The following LMNB2 variants were observed in gnomAD, a reference collection of about 807,000 sequenced individuals.
LMNB2 encodes lamin B2, also known as lamin-B2.
In LMNB2, 17 loss-of-function variants were observed where a neutral mutation model predicts 69.3. That is an observed-to-expected ratio of 0.25 (90% CI 0.17 to 0.37). The LOEUF (loss-of-function observed/expected upper bound fraction) is 0.37. Among genes scored for constraint, LMNB2 ranks in the 10% least tolerant of loss-of-function variants. The probability of loss-of-function intolerance (pLI) is 1.00; values close to 1 mark genes in which losing one functional copy is unlikely to be tolerated. For missense variants in LMNB2, 789 were observed against 883.6 expected, an observed-to-expected ratio of 0.89 and a Z score of 1.36; for synonymous variants, 397 against 389.3, an observed-to-expected ratio of 1.02 and a Z score of -0.23.
intron 2 of LMNB2, among the ~76,000 whole-genome samples, chr19:2,439,930 T>TC (rs1478251094): frequency 6.6e-6 from 1 of 151,934 alleles, no homozygotes; most frequent in African/African-American, 2.4e-5. Flanking sequence ...ATGGGGTTTC[T>TC]CCATGTTGGC....
In LMNB2 at chr19:2,431,473, A is replaced by AT. The variant is rs1971738612; in HGVS notation, c.1821+74dup. On this transcript the variant is annotated intron_variant, in intron 11 of 11. Coordinates refer to ENST00000325327, the MANE Select transcript of LMNB2 (RefSeq NM_032737.4). ...CCCGTCGGGGATGCGGCCAGCACGC[A>AT]TGTGTATGTGTGTGCACGAGCTCAC... The AT allele has an allele frequency of 1.9e-6, 3 of 1,599,232 alleles. No homozygotes were observed. The South Asian group carries it at 3.3e-5, about 18-fold the overall frequency.
rs1416704288 is a variant in LMNB2 at position 2,429,898 on chromosome 19, G to A, written c.*1013C>T. The A allele has an allele frequency of 6.6e-6, 1 of 152,328 alleles. No homozygotes were observed. Among genetic ancestry groups the A allele is most frequent in the African/African-American group, 2.4e-5 (1 of 41,462 alleles). The allele number at this position is 152,328 out of a possible 1,614,324, so 9.4% of individuals were successfully genotyped here. A position where few individuals can be genotyped will look rare whatever the true frequency, so the allele number is the denominator to read the frequency against. ...GGACTGAGGGGCTTGGGTGCGTCGT[G>A]ATAGGAGTCAGGTGGCCTTGGCCTG... On this transcript the variant is annotated 3_prime_UTR_variant, in exon 12 of 12. Transcript: ENST00000325327.
chr19:2,446,177 A>C (rs1400030289), intron 1 of LMNB2, among the ~76,000 whole-genome samples: 3 of 111,042 alleles, frequency 2.7e-5, no homozygotes, highest in African/African-American at 1.1e-4. Context: ...CCCCTCGATC[A>C]CAGGGATCTG....
In LMNB2 at chr19:2,452,291, G is replaced by A. The variant is rs188007287; in HGVS notation, c.264+4379C>T. Among the ~76,000 whole-genome samples, 9 of 152,272 alleles carry A rather than the reference G, an allele frequency of 5.9e-5. No homozygotes were observed. The East Asian group carries it at 9.7e-4, about 16-fold the overall frequency. Reference sequence around the variant, plus strand: ...CAGGAAAGAAGTGAGCAAGTTAGCCGGGCATGGTGGTGGGCGCCTGTAATC... The same window carrying A: ...CAGGAAAGAAGTGAGCAAGTTAGCCAGGCATGGTGGTGGGCGCCTGTAATC... On this transcript the variant is annotated intron_variant, in intron 1 of 11. Coordinates refer to ENST00000325327, the MANE Select transcript of LMNB2 (RefSeq NM_032737.4).
rs1348390230 is a variant in LMNB2 at position 2,438,228 on chromosome 19, C to A, written c.619G>T (p.Asp207Tyr). Residue 207 changes from aspartate to tyrosine, a missense_variant, in exon 4 of 12, where the codon GAC becomes TAC. Transcript: ENST00000325327. ...AGGCTCTGGCAGCGGTTCTCCAGGTCCACACGCATCAGCGTCTCCTTCTCC... is the reference window on the plus strand; with the variant it reads ...AGGCTCTGGCAGCGGTTCTCCAGGTACACACGCATCAGCGTCTCCTTCTCC... ...QLEKETLMRVDLENRCQSLQE... is the reference protein window; with the variant it reads ...QLEKETLMRVYLENRCQSLQE... 1 of 1,614,106 alleles carries A rather than the reference C, an allele frequency of 6.2e-7. No individual in the cohort carries two copies. Among genetic ancestry groups the A allele is most frequent in the South Asian group, 1.1e-5 (1 of 91,088 alleles).
chr19:2,450,364 G>T (rs1972008357), intron 1 of LMNB2, among the ~76,000 whole-genome samples: 1 of 151,980 alleles, frequency 6.6e-6, no homozygotes, highest in Non-Finnish European at 1.5e-5. Context: ...GGGCAGGAAA[G>T]GACATCGGGG....
At chr19:2,444,686 C>G in intron 1 of LMNB2, 146 bp from the exon 2 acceptor site, 1 of 1,053,160 alleles carries the variant, frequency 9.5e-7, no homozygotes, top group South Asian at 1.3e-5. Flanking sequence ...ACTGGGACAC[C>G]CTGTGTTGCC....
intron 1 of LMNB2, among the ~76,000 whole-genome samples, chr19:2,452,016 C>T (rs1972027511): frequency 6.6e-6 from 1 of 152,124 alleles, no homozygotes; most frequent in Non-Finnish European, 1.5e-5. Context: ...GTACCTGCCT[C>T]TCCCGCGCCT....
chr19:2,441,125 G>A (rs1009848554), intron 2 of LMNB2, among the ~76,000 whole-genome samples: 2 of 152,252 alleles, frequency 1.3e-5, no homozygotes, highest in Admixed American at 6.5e-5. Flanking sequence ...CACGAGCTAC[G>A]GGGCAGCCAC....
At chr19:2,451,937 G>T (rs1286329763) in intron 1 of LMNB2, among the ~76,000 whole-genome samples, 1 of 151,720 alleles carries the variant, frequency 6.6e-6, no homozygotes, top group African/African-American at 2.4e-5. Flanking sequence ...CGGGGCAGGG[G>T]AAGACAGAAG....
chr19:2,448,827 A>T (rs1289482847), intron 1 of LMNB2, among the ~76,000 whole-genome samples: 7 of 152,200 alleles, frequency 4.6e-5, no homozygotes, highest in African/African-American at 1.7e-4. Flanking sequence ...CAGCCTGGCG[A>T]CAGCCAGACT....
In LMNB2 at chr19:2,455,240, G is replaced by A. The variant is rs554490788; in HGVS notation, c.264+1430C>T. Among the ~76,000 whole-genome samples the A allele has an allele frequency of 6.6e-5, 10 of 152,088 alleles. No homozygotes were observed. In the South Asian group the frequency reaches 1.7e-3, roughly 25 times the overall value. On this transcript the variant is annotated intron_variant, in intron 1 of 11. Coordinates refer to ENST00000325327, the MANE Select transcript of LMNB2 (RefSeq NM_032737.4). ...AAGCTCCAGGGAGAACTGAGACCAC[G>A]TGACTCACCCCAGAGACTCCAGGGA...
rs372885886 is a variant in LMNB2 at position 2,443,111 on chromosome 19, C to T, written c.401+1293G>A. Among the ~76,000 whole-genome samples, 6 of 152,342 alleles carry T rather than the reference C, an allele frequency of 3.9e-5. No homozygotes were observed. The highest frequency in any genetic ancestry group is 9.6e-5 in the African/African-American group (4 of 41,580). ...ACAGAGCTGCTGCCTGAGCAGGTCC[C>T]GGGGTGCACCTGTGCTGTGTGGGAT... On this transcript the variant is annotated intron_variant, in intron 2 of 11. Coordinates refer to ENST00000325327, the MANE Select transcript of LMNB2 (RefSeq NM_032737.4). This position sits in a 1 kb window ranked among gnomAD's most constrained non-coding sequence, Gnocchi z 6.2.
chr19:2,437,314 G>T (rs1331690570), intron 4 of LMNB2, among the ~76,000 whole-genome samples: 1 of 152,256 alleles, frequency 6.6e-6, no homozygotes, highest in African/African-American at 2.4e-5. Flanking sequence ...TGGGTGGGGA[G>T]AGCGGGCCTC....
At chr19:2,455,173 C>T (rs954671957) in intron 1 of LMNB2, among the ~76,000 whole-genome samples, 1 of 152,066 alleles carries the variant, frequency 6.6e-6, no homozygotes, top group African/African-American at 2.4e-5. Flanking sequence ...TAATTCCCAC[C>T]CCAGTCACCA....
chr19:2,445,840 G>T (rs1479498925), intron 1 of LMNB2, among the ~76,000 whole-genome samples: 56 of 92,792 alleles, frequency 6.0e-4, no homozygotes, highest in African/African-American at 2.5e-3. Flanking sequence ...CGATCACAGC[G>T]ATCTGTAGTC....
intron 9 of LMNB2, 97 bp downstream of exon 9, chr19:2,432,319 T>TCCC: frequency 2.2e-5 from 20 of 894,678 alleles, no homozygotes; most frequent in South Asian, 4.0e-5. Context: ...GCCACCATCA[T>TCCC]CCCCACCCAC....
Position 2,456,163 on chromosome 19 carries a change from C to T in LMNB2, c.264+507G>A, listed in dbSNP as rs550516040. Among the ~76,000 whole-genome samples the T allele has an allele frequency of 9.8e-4, 148 of 151,434 alleles. 1 individual carries two copies. Among genetic ancestry groups the T allele is most frequent in the Non-Finnish European group, 1.7e-3 (116 of 67,792 alleles). On this transcript the variant is annotated intron_variant, in intron 1 of 11. Transcript: ENST00000325327. ...CCTTTCACTCAGGGACTCTCCGAAA[C>T]GCGGCGGAGATCCCCGAGGCCGGAC...
chr19:2,448,435 C>T (rs1251713461), intron 1 of LMNB2, among the ~76,000 whole-genome samples: 3 of 152,186 alleles, frequency 2.0e-5, no homozygotes, highest in Non-Finnish European at 4.4e-5. Flanking sequence ...AAGACAAGAT[C>T]AGCGCCGGGA....
Sources: gnomAD v4.1 joint callset for allele counts (sites outside exome capture counted in the v4.1 genomes callset) on GRCh38, gnomAD v4.1.1 for gene constraint, Gnocchi (gnomAD v3.1) non-coding constraint, MANE v1.5 for transcripts, NCBI Gene and HGNC (gene_info 2026-07-23, HGNC 2026-07-21) for gene names.